The following EPHA4 variants were observed in gnomAD, a reference collection of about 807,000 sequenced individuals.
EPHA4 encodes the protein ephrin type-A receptor 4.
Under a neutral mutation model 108.3 loss-of-function variants are expected in EPHA4, and 19 were observed. The observed-to-expected ratio is 0.18, with a 90% CI of 0.12 to 0.26. The LOEUF (loss-of-function observed/expected upper bound fraction) is 0.26, where lower values mean the gene tolerates loss of function less well. EPHA4 is among the 10% of genes least tolerant of loss of function. EPHA4 has a pLI of 1.00. For synonymous variants in EPHA4, 449 were observed against 455.5 expected (o/e 0.99, Z 0.18); for missense variants, 917 against 1,254.0 (o/e 0.73, Z 4.06).
In EPHA4 at chr2:221,551,151, A is replaced by G. The variant is rs180959606; in HGVS notation, c.823+12580T>C. Among the ~76,000 whole-genome samples the G allele has an allele frequency of 1.1e-4, 16 of 152,274 alleles. No homozygotes were observed. The East Asian group carries it at 2.1e-3, about 20-fold the overall frequency. ...TTTTTTAAATAAGAGAAAAATACATATATGATTGTTTGCAATGGAAACTAT... is the reference window on the plus strand; with the variant it reads ...TTTTTTAAATAAGAGAAAAATACATGTATGATTGTTTGCAATGGAAACTAT... On this transcript the variant is annotated intron_variant, in intron 3 of 17. Transcript: ENST00000281821.
At chr2:221,495,640 C>T (rs1431416143) in intron 4 of EPHA4, among the ~76,000 whole-genome samples, 1 of 152,210 alleles carries the variant, frequency 6.6e-6, no homozygotes, top group African/African-American at 2.4e-5. Context: ...TAACCAGAGG[C>T]TCCAGCAAAA....
intron 4 of EPHA4, among the ~76,000 whole-genome samples, chr2:221,490,005 G>A (rs12990760): frequency 2.0e-5 from 3 of 151,628 alleles, no homozygotes; most frequent in Non-Finnish European, 4.4e-5. Flanking sequence ...AATTAGCCAG[G>A]TGTAGTGGCA....
intron 3 of EPHA4, among the ~76,000 whole-genome samples, chr2:221,535,326 A>G (rs1693635932): frequency 6.6e-6 from 1 of 152,226 alleles, no homozygotes; most frequent in African/African-American, 2.4e-5. Context: ...ACCTCAAATG[A>G]TTCTAAGGTA....
At chr2:221,461,596 C>A (rs1452481656) in intron 5 of EPHA4, among the ~76,000 whole-genome samples, 1 of 152,074 alleles carries the variant, frequency 6.6e-6, no homozygotes, top group Admixed American at 6.5e-5. Context: ...AACATCAACT[C>A]GGCCACTAGA....
chr2:221,477,850 A>G (rs1285471396), intron 5 of EPHA4, among the ~76,000 whole-genome samples: 1 of 152,216 alleles, frequency 6.6e-6, no homozygotes, highest in Non-Finnish European at 1.5e-5. Flanking sequence ...CTTAGAGATT[A>G]GCTGGTTTAA....
intron 8 of EPHA4, among the ~76,000 whole-genome samples, chr2:221,449,417 T>C (rs1690700821): frequency 6.6e-6 from 1 of 152,208 alleles, no homozygotes; most frequent in South Asian, 2.1e-4. Flanking sequence ...AAAACTTTGT[T>C]GAAGGTTTTC....
intron 3 of EPHA4, among the ~76,000 whole-genome samples, chr2:221,538,003 A>AC (rs1373051979): frequency 3.9e-5 from 6 of 152,324 alleles, no homozygotes; most frequent in African/African-American, 1.4e-4. Context: ...TTGCTAAAAA[A>AC]AAAGGGGGGG....
At chr2:221,527,059 G>A (rs1693354229) in intron 3 of EPHA4, among the ~76,000 whole-genome samples, 1 of 151,242 alleles carries the variant, frequency 6.6e-6, no homozygotes, top group Admixed American at 6.6e-5. Context: ...CCCGGGCGGA[G>A]CTTGCAGTGA....
intron 3 of EPHA4, among the ~76,000 whole-genome samples, chr2:221,514,400 T>C (rs1227318728): frequency 6.6e-6 from 1 of 152,156 alleles, no homozygotes; most frequent in Non-Finnish European, 1.5e-5. Flanking sequence ...TAGTGTTTAG[T>C]CCTTCTCACA....
At chr2:221,491,241 C>T (rs1251126789) in intron 4 of EPHA4, among the ~76,000 whole-genome samples, 2 of 152,136 alleles carry the variant, frequency 1.3e-5, no homozygotes, top group African/African-American at 2.4e-5. Flanking sequence ...AAAGCTACCA[C>T]GCCAAAGACC....
intron 3 of EPHA4, chr2:221,532,936 A>G (rs780761902): frequency 6.6e-6 from 1 of 152,242 alleles, no homozygotes; most frequent in African/African-American, 2.4e-5. Flanking sequence ...CTGAGTGAAG[A>G]CTGCAATTGG....
At chr2:221,554,701 A>G (rs1694256101) in intron 3 of EPHA4, among the ~76,000 whole-genome samples, 2 of 152,214 alleles carry the variant, frequency 1.3e-5, no homozygotes. Context: ...ACATAAGTGA[A>G]AATATGAAAT....
intron 13 of EPHA4, among the ~76,000 whole-genome samples, chr2:221,434,720 A>T (rs1442702262): frequency 6.6e-6 from 1 of 152,208 alleles, no homozygotes; most frequent in Non-Finnish European, 1.5e-5. Flanking sequence ...AAGGAATTTA[A>T]ATATGAACAT....
chr2:221,532,414 T>C (rs1559282181), intron 3 of EPHA4, among the ~76,000 whole-genome samples: 6 of 152,204 alleles, frequency 3.9e-5, no homozygotes, highest in Admixed American at 3.3e-4. Flanking sequence ...TGAGCCACTG[T>C]GCCCAGCCAG....
rs113966046 is a variant in EPHA4, at chr2:221,517,637, A to AT, written c.824-16466dup. Among the ~76,000 whole-genome samples, 445 of 151,040 alleles carry AT rather than the reference A, an allele frequency of 2.9e-3. 1 individual carries two copies. The highest frequency in any genetic ancestry group is 5.0e-3 in the Admixed American group (75 of 15,132). On this transcript the variant is annotated intron_variant, in intron 3 of 17. Transcript: ENST00000281821. ...CTGCTCTTCCTCACAGTTGCAGGGC[A>AT]TTTTTTTTTTTTAAGTGGACTTAAG...
intron 11 of EPHA4, among the ~76,000 whole-genome samples, chr2:221,441,246 A>G (rs1690419320): frequency 6.8e-6 from 1 of 146,312 alleles, no homozygotes; most frequent in Non-Finnish European, 1.5e-5. Context: ...AAAAAAATAG[A>G]GTCCAGGTGC....
At chr2:221,474,650 G>C (rs1025372) in intron 5 of EPHA4, among the ~76,000 whole-genome samples, 3,539 of 152,154 alleles carry the variant, frequency 0.023, 88 homozygotes, top group East Asian at 0.08. Context: ...CGCAAACAAC[G>C]TTTCAGCAAA....
intron 5 of EPHA4, among the ~76,000 whole-genome samples, chr2:221,477,046 TTTA>T (rs140420658): frequency 0.52 from 78,080 of 148,870 alleles, 20,715 homozygotes; most frequent in Non-Finnish European, 0.57. Flanking sequence ...GCCACTTTAT[TTTA>T]TTATTATTAT....
At chr2:221,483,714 A>G (rs13029372) in intron 4 of EPHA4, among the ~76,000 whole-genome samples, 63,982 of 151,900 alleles carry the variant, frequency 0.42, 13,565 homozygotes, top group East Asian at 0.53. Flanking sequence ...TGGCCAGGCC[A>G]GTCTTGAACT....
Sources: gnomAD v4.1 joint callset for allele counts (sites outside exome capture counted in the v4.1 genomes callset) on GRCh38, gnomAD v4.1.1 for gene constraint, MANE v1.5 for transcripts, NCBI Gene and HGNC (gene_info 2026-07-23, HGNC 2026-07-21) for gene names.